The following HEMK2 variants were observed in gnomAD, a reference collection of about 807,000 sequenced individuals.
HEMK2 encodes the protein methyltransferase HEMK2.
the HEMK2 span, chr21:28,883,020 G>GA: frequency 6.2e-7 from 1 of 1,607,586 alleles, no homozygotes; most frequent in Non-Finnish European, 8.5e-7. Context: ...TAGAGGCTAG[G>GA]AATGCAGATA....
the HEMK2 span, among the ~76,000 whole-genome samples, chr21:28,843,381 C>T: frequency 1.9e-3 from 294 of 152,232 alleles, 4 homozygotes; most frequent in African/African-American, 6.8e-3. Flanking sequence ...GGGGAAACAA[C>T]CCCCATGATC....
At chr21:28,831,079 G>A in the HEMK2 span, among the ~76,000 whole-genome samples, 1 of 152,094 alleles carries the variant, frequency 6.6e-6, no homozygotes, top group Non-Finnish European at 1.5e-5. Flanking sequence ...AAATCAATTT[G>A]TAGGGGCAGG....
At chr21:28,807,256 A>C in the HEMK2 span, among the ~76,000 whole-genome samples, 1 of 152,290 alleles carries the variant, frequency 6.6e-6, no homozygotes, top group Admixed American at 6.5e-5. Context: ...AGTCTACTGC[A>C]TCTAAGTAAA....
At chr21:28,724,769 TTTTTTG>T in the HEMK2 span, among the ~76,000 whole-genome samples, 16 of 152,146 alleles carry the variant, frequency 1.1e-4, no homozygotes, top group Non-Finnish European at 1.8e-4. Flanking sequence ...ATGTATCAGG[TTTTTTG>T]TTTTTGTTTT....
chr21:28,785,556 C>G, the HEMK2 span, among the ~76,000 whole-genome samples: 2 of 152,174 alleles, frequency 1.3e-5, no homozygotes, highest in Non-Finnish European at 2.9e-5. Context: ...GCTGTAACTT[C>G]TTGTAGCAAT....
At chr21:28,872,745 G>A in the HEMK2 span, 1 of 152,118 alleles carries the variant, frequency 6.6e-6, no homozygotes, top group South Asian at 2.1e-4. Flanking sequence ...TCCATCTGAG[G>A]ACAGAAGATG....
the HEMK2 span, among the ~76,000 whole-genome samples, chr21:28,751,009 T>G: frequency 1.3e-5 from 2 of 151,948 alleles, no homozygotes; most frequent in Admixed American, 1.3e-4. Flanking sequence ...GGCGGGCGGA[T>G]CACAAGGTCC....
chr21:28,756,572 A>G, the HEMK2 span, among the ~76,000 whole-genome samples: 1 of 152,202 alleles, frequency 6.6e-6, no homozygotes, highest in Non-Finnish European at 1.5e-5. Flanking sequence ...TCTCCAAACA[A>G]CCTTGTGAGA....
At chr21:28,607,785 G>A in the HEMK2 span, among the ~76,000 whole-genome samples, 6 of 152,132 alleles carry the variant, frequency 3.9e-5, no homozygotes, top group South Asian at 6.2e-4. Flanking sequence ...CAATATAGAC[G>A]ATGAGATAAT....
the HEMK2 span, among the ~76,000 whole-genome samples, chr21:28,821,548 C>A: frequency 6.6e-6 from 1 of 152,210 alleles, no homozygotes; most frequent in African/African-American, 2.4e-5. Context: ...TACCACTTTT[C>A]CACCGCACCC....
chr21:28,577,899 C>T, the HEMK2 span, among the ~76,000 whole-genome samples: 4 of 152,158 alleles, frequency 2.6e-5, no homozygotes, highest in African/African-American at 7.2e-5. Context: ...GAAGAAGACA[C>T]CACATTTATA....
At chr21:28,820,485 T>C in the HEMK2 span, among the ~76,000 whole-genome samples, 1 of 152,288 alleles carries the variant, frequency 6.6e-6, no homozygotes, top group Admixed American at 6.5e-5. Flanking sequence ...GAGACCACTG[T>C]ATGTTCTTCA....
the HEMK2 span, among the ~76,000 whole-genome samples, chr21:28,837,184 G>T: frequency 1.3e-5 from 2 of 152,068 alleles, no homozygotes; most frequent in African/African-American, 4.8e-5. Context: ...CTATACTTTG[G>T]AACAAATGGA....
At chr21:28,691,657 T>C in the HEMK2 span, among the ~76,000 whole-genome samples, 233 of 152,188 alleles carry the variant, frequency 1.5e-3, no homozygotes, top group Non-Finnish European at 2.5e-3. Flanking sequence ...GGAGCTAGGA[T>C]TAACGATATT....
chr21:28,660,356 T>G, the HEMK2 span, among the ~76,000 whole-genome samples: 47 of 151,914 alleles, frequency 3.1e-4, no homozygotes, highest in Non-Finnish European at 1.2e-4. Context: ...GCTTTACTTG[T>G]TCCTAATCTC....
chr21:28,684,044 A>T, the HEMK2 span, among the ~76,000 whole-genome samples: 1,436 of 152,304 alleles, frequency 9.4e-3, 22 homozygotes, highest in Non-Finnish European at 0.012. Flanking sequence ...ATCTTAAACT[A>T]TTAAACTCTC....
At chr21:28,782,931 C>T in the HEMK2 span, among the ~76,000 whole-genome samples, 1 of 152,150 alleles carries the variant, frequency 6.6e-6, no homozygotes. Context: ...ATTAAATTAA[C>T]AGTTGACCAG....
the HEMK2 span, among the ~76,000 whole-genome samples, chr21:28,783,482 C>A: frequency 6.6e-6 from 1 of 152,194 alleles, no homozygotes; most frequent in Non-Finnish European, 1.5e-5. Context: ...ACTGCACCCA[C>A]CTTAAATAAT....
the HEMK2 span, among the ~76,000 whole-genome samples, chr21:28,788,569 G>A: frequency 6.6e-6 from 1 of 152,010 alleles, no homozygotes; most frequent in African/African-American, 2.4e-5. Flanking sequence ...CAAATATGGT[G>A]CAGCGTATAA....
Sources: gnomAD v4.1 joint callset for allele counts (sites outside exome capture counted in the v4.1 genomes callset) on GRCh38, gnomAD v4.1.1 for gene constraint, MANE v1.5 for transcripts, NCBI Gene and HGNC (gene_info 2026-07-23, HGNC 2026-07-21) for gene names.